NAV2: variants seen among roughly 807,000 people sequenced by gnomAD.
The protein encoded by NAV2 is helicase, APC down-regulated 1.
Under a neutral mutation model 223.2 loss-of-function variants are expected in NAV2, and 54 were observed. That is an observed-to-expected ratio of 0.24 (90% CI 0.19 to 0.30). The LOEUF is 0.30. Among genes scored for constraint, NAV2 ranks in the 10% least tolerant of loss-of-function variants. The pLI, the probability that NAV2 is intolerant of heterozygous loss-of-function variation, is 1.00. For synonymous variants in NAV2, 1,279 were observed against 1,239.3 expected, an observed-to-expected ratio of 1.03 and a Z score of -0.67; for missense variants, 2,806 against 3,147.5, an observed-to-expected ratio of 0.89 and a Z score of 2.60.
At chr11:20,025,004 G>T (rs555604756) in intron 11 of NAV2, among the ~76,000 whole-genome samples, 1 of 152,330 alleles carries the variant, frequency 6.6e-6, no homozygotes, top group Non-Finnish European at 1.5e-5. Flanking sequence ...GTTCTTATAT[G>T]ACCATGATCT....
At chr11:19,866,779 C>G (rs1344632562) in intron 3 of NAV2, among the ~76,000 whole-genome samples, 2 of 152,036 alleles carry the variant, frequency 1.3e-5, no homozygotes, top group Non-Finnish European at 2.9e-5. Context: ...CCTCGTCAGC[C>G]CACCTCCGTG....
At chr11:19,935,849 C>CTTTTTTTTTTTTTTTTTTTTTTTTTTTTT (rs1565594361) in intron 7 of NAV2, among the ~76,000 whole-genome samples, 1 of 69,440 alleles carries the variant, frequency 1.4e-5, no homozygotes, top group African/African-American at 4.3e-5. Context: ...TGTTTTGTTT[C>CTTTTTTTTTTTTTTTTTTTTTTTTTTTTT]TGTTTTTTTT....
chr11:19,667,294 GA>G (rs1198694309), intron 1 of NAV2, among the ~76,000 whole-genome samples: 1 of 152,242 alleles, frequency 6.6e-6, no homozygotes, highest in Non-Finnish European at 1.5e-5. Context: ...TCTGGGGATT[GA>G]AAACTCAGTA....
At chr11:19,349,516 C>A (rs191551697), upstream of NAV2, among the ~76,000 whole-genome samples, 3 of 152,146 alleles carry the variant, frequency 2.0e-5, no homozygotes, top group Admixed American at 6.5e-5. Context: ...GTACCCGCTG[C>A]GGCCGGATCT....
At chr11:19,854,204 G>A (rs1156793717) in intron 3 of NAV2, among the ~76,000 whole-genome samples, 1 of 152,150 alleles carries the variant, frequency 6.6e-6, no homozygotes, top group African/African-American at 2.4e-5. Flanking sequence ...CATCAAAGAG[G>A]TGTTTTTTTG....
chr11:19,741,745 ATTTATCCG>A (rs894172848), intron 1 of NAV2, among the ~76,000 whole-genome samples: 1 of 147,178 alleles, frequency 6.8e-6, no homozygotes, highest in Non-Finnish European at 1.5e-5. Flanking sequence ...TTATTTATCC[ATTTATCCG>A]TTGATAGACA....
intron 1 of NAV2, among the ~76,000 whole-genome samples, chr11:19,785,997 G>A (rs2057087316): frequency 6.6e-6 from 1 of 152,154 alleles, no homozygotes. Context: ...CAGGCAAGGA[G>A]GGAAAAGGTT....
At chr11:19,877,012 A>G (rs2062879323) in intron 4 of NAV2, among the ~76,000 whole-genome samples, 1 of 151,100 alleles carries the variant, frequency 6.6e-6, no homozygotes. Flanking sequence ...ACCAGCTAGC[A>G]TTTATTTTAT....
intron 1 of NAV2, among the ~76,000 whole-genome samples, chr11:19,404,614 A>T (rs1786671480): frequency 6.6e-6 from 1 of 152,218 alleles, no homozygotes; most frequent in Admixed American, 6.5e-5. Context: ...CTGCATTGCA[A>T]ATCAGATTAT....
chr11:19,943,964 G>A (rs1471401039), intron 8 of NAV2, among the ~76,000 whole-genome samples: 6 of 152,210 alleles, frequency 3.9e-5, no homozygotes, highest in Admixed American at 2.6e-4. Context: ...TTGGGAAGCC[G>A]AGGTGGGTGG....
At chr11:19,907,693 A>G (rs2042987568) in intron 6 of NAV2, among the ~76,000 whole-genome samples, 1 of 152,246 alleles carries the variant, frequency 6.6e-6, no homozygotes, top group African/African-American at 2.4e-5. Context: ...TTATATTCCT[A>G]TAAAACAATG....
intron 11 of NAV2, chr11:20,027,231 C>T (rs769046773): frequency 4.0e-5 from 39 of 980,988 alleles, no homozygotes; most frequent in Non-Finnish European, 4.7e-5. Context: ...CTTTCTCTTC[C>T]CCAGGGGTTA....
At position 20,045,657 on chromosome 11, in the gene NAV2, C is replaced by G; in HGVS notation, c.3889C>G (p.Pro1297Ala). Residue 1297 changes from proline (P) to alanine (A), a missense_variant, in exon 14 of 38, where the codon CCC becomes GCC. Around this residue, in one of 4 missense-constraint regions of NAV2, gnomAD observed 742 missense variants for 777.9 expected, o/e 0.95. Coordinates refer to ENST00000349880, the MANE Select transcript of NAV2 (RefSeq NM_145117.5). ...PGAKYPDVAS[P>A]TLRRLFGGKP... Reference sequence around the variant, plus strand: ...AGCCAAGTACCCAGATGTGGCCTCTCCCACACTCCGCAGGTAAGTGAGTAC... The same window carrying G: ...AGCCAAGTACCCAGATGTGGCCTCTGCCACACTCCGCAGGTAAGTGAGTAC... 1 of 1,613,306 alleles carries G rather than the reference C, an allele frequency of 6.2e-7. No individual in the cohort carries two copies. The highest frequency in any genetic ancestry group is 8.5e-7 in the Non-Finnish European group (1 of 1,179,414).
At chr11:19,962,449 G>A (rs2048420091) in intron 10 of NAV2, among the ~76,000 whole-genome samples, 2 of 152,114 alleles carry the variant, frequency 1.3e-5, no homozygotes, top group South Asian at 4.2e-4. Context: ...CTTGCCATAT[G>A]ATCAGTGGGA....
intron 1 of NAV2, among the ~76,000 whole-genome samples, chr11:19,467,018 CAG>C (rs61354519): frequency 0.17 from 13,700 of 81,538 alleles, 610 homozygotes; most frequent in East Asian, 0.29. Flanking sequence ...CACACACACA[CAG>C]AGAGAGAGAG....
intron 1 of NAV2, among the ~76,000 whole-genome samples, chr11:19,779,324 AG>A (rs1289724279): frequency 6.6e-6 from 1 of 152,222 alleles, no homozygotes; most frequent in African/African-American, 2.4e-5. Flanking sequence ...GAGCCCAGGC[AG>A]GAAGAGGCAT....
At chr11:19,613,551 T>C (rs1040668779) in intron 1 of NAV2, among the ~76,000 whole-genome samples, 2 of 152,056 alleles carry the variant, frequency 1.3e-5, no homozygotes, top group Admixed American at 6.5e-5. Flanking sequence ...AATGATGTCT[T>C]GATGATGTTG....
At chr11:19,859,208 C>T (rs1212032944) in intron 3 of NAV2, among the ~76,000 whole-genome samples, 3 of 130,796 alleles carry the variant, frequency 2.3e-5, no homozygotes, top group South Asian at 6.0e-4. Context: ...GGCAGGGTCA[C>T]AGGACAATAG....
At chr11:19,662,929 C>T (rs1392743820) in intron 1 of NAV2, among the ~76,000 whole-genome samples, 1 of 152,224 alleles carries the variant, frequency 6.6e-6, no homozygotes, top group Non-Finnish European at 1.5e-5. Flanking sequence ...TTACAGTTAG[C>T]TTGAGTGCCA....
Sources: allele counts gnomAD v4.1 joint callset (sites outside exome capture counted in the v4.1 genomes callset), GRCh38; gene constraint gnomAD v4.1.1; regional missense constraint gnomAD v4.1.1; transcripts MANE v1.5; gene names NCBI Gene and HGNC (gene_info 2026-07-23, HGNC 2026-07-21).